The following NEK7 variants were observed in gnomAD, a reference collection of about 807,000 sequenced individuals.
NEK7 encodes the protein NIMA related kinase 7.
NEK7 carries 18 observed loss-of-function variants against 44.6 expected under a neutral mutation model. The observed-to-expected ratio is 0.40, with a 90% CI of 0.28 to 0.60. The LOEUF is 0.60. Ranked by LOEUF, NEK7 falls within the 20% of genes least tolerant of loss-of-function variation. The pLI, the probability that NEK7 is intolerant of heterozygous loss-of-function variation, is 0.38. For missense variants in NEK7, 256 were observed against 366.5 expected (o/e 0.70, Z 2.46); for synonymous variants, 130 against 121.1 (o/e 1.07, Z -0.48).
chr1:198,274,854 A>G (rs1445004724), intron 5 of NEK7, among the ~76,000 whole-genome samples: 1 of 151,682 alleles, frequency 6.6e-6, no homozygotes, highest in Non-Finnish European at 1.5e-5. Flanking sequence ...GTCTATTAAG[A>G]TGTGACTATT....
intron 1 of NEK7, among the ~76,000 whole-genome samples, chr1:198,225,869 C>G (rs1666207118): frequency 6.6e-6 from 1 of 151,956 alleles, no homozygotes; most frequent in African/African-American, 2.4e-5. Flanking sequence ...AGATTGGTTG[C>G]CAGATTTGTT....
In NEK7 at chr1:198,321,470, C is replaced by A. The variant is rs1480187431; in HGVS notation, c.*1948C>A. ...GAGATGAAATGTTCTCTGGTTGGAACAGATACTCTCTTTTTTTTCTTGCAA... is the reference window on the plus strand; with the variant it reads ...GAGATGAAATGTTCTCTGGTTGGAAAAGATACTCTCTTTTTTTTCTTGCAA... On this transcript the variant is annotated 3_prime_UTR_variant, in exon 10 of 10. Transcript: ENST00000367385. 2 of 152,104 alleles carry A rather than the reference C, an allele frequency of 1.3e-5. No homozygotes were observed. Among genetic ancestry groups the A allele is most frequent in the African/African-American group, 2.4e-5 (1 of 41,430 alleles). 9.4% of individuals were successfully genotyped at this position (152,104 alleles called of 1,614,324 possible).
intron 1 of NEK7, among the ~76,000 whole-genome samples, chr1:198,174,050 G>C (rs1664528991): frequency 6.6e-6 from 1 of 152,196 alleles, no homozygotes; most frequent in African/African-American, 2.4e-5. Context: ...GTGCAGGTCA[G>C]AATTGAAATA....
chr1:198,252,062 C>G (rs1653024512), intron 2 of NEK7, among the ~76,000 whole-genome samples: 2 of 152,038 alleles, frequency 1.3e-5, no homozygotes, highest in African/African-American at 4.8e-5. Context: ...CCCAGAGATT[C>G]TGGTACGTTG....
chr1:198,225,898 T>C (rs1288338430), intron 1 of NEK7, among the ~76,000 whole-genome samples: 3 of 152,148 alleles, frequency 2.0e-5, no homozygotes, highest in Non-Finnish European at 4.4e-5. Context: ...TGATAGTTTT[T>C]TCATCATTGA....
At chr1:198,228,834 C>G (rs943056869) in intron 1 of NEK7, among the ~76,000 whole-genome samples, 2 of 152,162 alleles carry the variant, frequency 1.3e-5, no homozygotes, top group Non-Finnish European at 1.5e-5. Flanking sequence ...TTGACTTCCT[C>G]TTTTCCTAAT....
chr1:198,218,717 A>T (rs1665995935), intron 1 of NEK7, among the ~76,000 whole-genome samples: 2 of 146,700 alleles, frequency 1.4e-5, no homozygotes, highest in East Asian at 2.3e-4. Flanking sequence ...AGCAAGAAAA[A>T]AATCCAATTA....
At chr1:198,301,501 G>A (rs1331548769) in intron 9 of NEK7, among the ~76,000 whole-genome samples, 1 of 152,240 alleles carries the variant, frequency 6.6e-6, no homozygotes, top group Non-Finnish European at 1.5e-5. Flanking sequence ...AGTGAGCCGA[G>A]ATCGCGCCAC....
chr1:198,252,052 C>T (rs1183404982), intron 2 of NEK7, among the ~76,000 whole-genome samples: 1 of 152,006 alleles, frequency 6.6e-6, no homozygotes, highest in African/African-American at 2.4e-5. Context: ...TTGAATGTGT[C>T]CCAGAGATTC....
At chr1:198,309,440 CT>C (rs1213560612) in intron 9 of NEK7, among the ~76,000 whole-genome samples, 1 of 151,868 alleles carries the variant, frequency 6.6e-6, no homozygotes, top group African/African-American at 2.4e-5. Context: ...CTTAGCTTTT[CT>C]TTTCTTTTTT....
At chr1:198,165,105 C>CTTTTAA (rs1465156392) in intron 1 of NEK7, among the ~76,000 whole-genome samples, 1 of 152,228 alleles carries the variant, frequency 6.6e-6, no homozygotes, top group Non-Finnish European at 1.5e-5. Context: ...TTCAGGCTTA[C>CTTTTAA]TTTTAATTCT....
chr1:198,282,186 T>G (rs1397272579), intron 7 of NEK7, among the ~76,000 whole-genome samples: 1 of 152,134 alleles, frequency 6.6e-6, no homozygotes, highest in African/African-American at 2.4e-5. Context: ...TACACTCTTT[T>G]GTTTCTGATA....
chr1:198,275,303 C>T (rs1348453610), intron 5 of NEK7, among the ~76,000 whole-genome samples: 5 of 150,936 alleles, frequency 3.3e-5, no homozygotes, highest in African/African-American at 1.2e-4. Context: ...TTATTTTCAA[C>T]TATAAAAAAG....
chr1:198,265,325 C>T (rs1653613545), intron 5 of NEK7, among the ~76,000 whole-genome samples: 1 of 152,076 alleles, frequency 6.6e-6, no homozygotes, highest in Non-Finnish European at 1.5e-5. Context: ...GTTGAACCAT[C>T]TAGAAACAAA....
In NEK7 at chr1:198,306,008, G is replaced by A. The variant is rs77712008; in HGVS notation, c.798+8768G>A. Among the ~76,000 whole-genome samples, 406 of 152,192 alleles carry A rather than the reference G, an allele frequency of 2.7e-3. 1 individual carries two copies. Among genetic ancestry groups the A allele is most frequent in the African/African-American group, 8.3e-3 (346 of 41,530 alleles). ...TAGTACTGTATATAAAAGCTTGGGC[G>A]CTGGAGCTAGACTGCTTCGGTTCAA... On this transcript the variant is annotated intron_variant, in intron 9 of 9. Transcript: ENST00000367385.
chr1:198,232,022 A>G lies in NEK7; in HGVS notation c.-28-531A>G, dbSNP rs181624735. On this transcript the variant is annotated intron_variant, in intron 1 of 9. Coordinates refer to ENST00000367385, the MANE Select transcript of NEK7 (RefSeq NM_133494.3). The stretch of plus-strand genomic sequence containing the variant: ...ATGCAATTACCTTCAGCCTATGTAT[A>G]CTGAATTAATGGATGAAATGCTTTA... 9.2e-5 allele frequency among the ~76,000 whole-genome samples: 14 copies of G among 152,252 alleles called. No homozygotes were observed. In the East Asian group the frequency reaches 1.5e-3, roughly 17 times the overall value.
chr1:198,280,829 A>G (rs1038822369), intron 7 of NEK7, among the ~76,000 whole-genome samples: 11 of 150,462 alleles, frequency 7.3e-5, no homozygotes, highest in African/African-American at 1.7e-4. Context: ...GCCCATAATT[A>G]CTAAGCATTC....
chr1:198,207,640 T>C (rs1665636948), intron 1 of NEK7, among the ~76,000 whole-genome samples: 1 of 152,098 alleles, frequency 6.6e-6, no homozygotes, highest in Non-Finnish European at 1.5e-5. Flanking sequence ...GATAAAACTA[T>C]AGGGACAGAA....
chr1:198,310,385 T>C (rs1233343455), intron 9 of NEK7, among the ~76,000 whole-genome samples: 3 of 151,652 alleles, frequency 2.0e-5, no homozygotes, highest in South Asian at 2.1e-4. Flanking sequence ...TTCTCCCATT[T>C]TGTAGGCTGC....
Sources: gnomAD v4.1 joint callset for allele counts (sites outside exome capture counted in the v4.1 genomes callset) on GRCh38, gnomAD v4.1.1 for gene constraint, MANE v1.5 for transcripts, NCBI Gene and HGNC (gene_info 2026-07-23, HGNC 2026-07-21) for gene names.